Variants in BEGAIN observed in about 807,000 individuals in gnomAD.
BEGAIN encodes the protein brain enriched guanylate kinase associated.
Under a neutral mutation model 35.8 loss-of-function variants are expected in BEGAIN, and 19 were observed. The observed-to-expected ratio is 0.53, with a 90% confidence interval of 0.37 to 0.78. The LOEUF is 0.78. Ranked by LOEUF, BEGAIN falls within the 30% of genes least tolerant of loss-of-function variation. The probability of loss-of-function intolerance (pLI) is 0.00; values close to 1 mark genes in which losing one functional copy is unlikely to be tolerated. For synonymous variants in BEGAIN, 462 were observed against 388.6 expected (o/e 1.19, Z -2.22); for missense variants, 795 against 853.6 (o/e 0.93, Z 0.85).
chr14:100,555,584 G>A (rs1595127462), intron 2 of BEGAIN, among the ~76,000 whole-genome samples: 2 of 152,362 alleles, frequency 1.3e-5, no homozygotes, highest in East Asian at 1.9e-4. Flanking sequence ...GGTTCACAGC[G>A]CTCAAGGAAC....
chr14:100,541,244 T>G (rs1342601860), intron 5 of BEGAIN, among the ~76,000 whole-genome samples: 2 of 152,244 alleles, frequency 1.3e-5, no homozygotes, highest in Non-Finnish European at 2.9e-5. Context: ...TGCCTGTGTT[T>G]GGGGCTTGCA....
chr14:100,582,620 C>T (rs2035344783), intron 1 of BEGAIN, among the ~76,000 whole-genome samples: 1 of 152,154 alleles, frequency 6.6e-6, no homozygotes, highest in Non-Finnish European at 1.5e-5. Flanking sequence ...AACACAGGTG[C>T]CCCAGTTCTC....
intron 2 of BEGAIN, among the ~76,000 whole-genome samples, chr14:100,564,959 T>C (rs2034570271): frequency 6.6e-6 from 1 of 152,212 alleles, no homozygotes; most frequent in African/African-American, 2.4e-5. Flanking sequence ...TGGAAACTCC[T>C]ACCCATTCTT....
chr14:100,552,039 G>C (rs1405118086), intron 2 of BEGAIN, among the ~76,000 whole-genome samples: 1 of 152,128 alleles, frequency 6.6e-6, no homozygotes, highest in Non-Finnish European at 1.5e-5. Context: ...CTCATGGCCC[G>C]ACCAAGGCCA....
At chr14:100,547,480 A>G (rs561720401) in intron 2 of BEGAIN, 2 of 152,406 alleles carry the variant, frequency 1.3e-5, no homozygotes, top group African/African-American at 4.8e-5. Context: ...CTTCCGAGCC[A>G]CCTGCCAACA....
chr14:100,545,257 A>G, intron 3 of BEGAIN, 191 bp from the exon 4 acceptor site: 4 of 1,424,936 alleles, frequency 2.8e-6, no homozygotes, highest in Non-Finnish European at 3.7e-6. Context: ...AAACTTTTGT[A>G]GAAGCCTTTC....
chr14:100,569,715 T>C (rs7141087), intron 1 of BEGAIN: 83,483 of 154,418 alleles, frequency 0.54, 24,987 homozygotes, highest in African/African-American at 0.81. Context: ...AATCCAAGTG[T>C]TCCTCCATCC....
rs918337386 is a variant in BEGAIN, at chr14:100,573,684, T to G, written c.43-5745A>C. Among the ~76,000 whole-genome samples, 1 of 151,782 alleles carries G rather than the reference T, an allele frequency of 6.6e-6. No individual in the cohort carries two copies. Among genetic ancestry groups the G allele is most frequent in the Admixed American group, 6.6e-5 (1 of 15,252 alleles). On this transcript the variant is annotated intron_variant, in intron 1 of 6. Coordinates refer to ENST00000554140, the MANE Select transcript of BEGAIN (RefSeq NM_001385089.1). This position sits in a 1 kb window ranked among gnomAD's most constrained non-coding sequence, Gnocchi z 4.2. ...TGACCTCATGTTGAGCAGGGGAACA[T>G]GGGGAATTCAGGGCTGGTGGTGCCC...
chr14:100,566,819 C>G (rs867399397), intron 2 of BEGAIN, among the ~76,000 whole-genome samples: 1 of 152,214 alleles, frequency 6.6e-6, no homozygotes, highest in Non-Finnish European at 1.5e-5. Context: ...GGCTGCACAT[C>G]AGCTCCATGG....
chr14:100,581,546 G>T (rs574324026), intron 1 of BEGAIN, among the ~76,000 whole-genome samples: 1 of 152,130 alleles, frequency 6.6e-6, no homozygotes, highest in Admixed American at 6.6e-5. Context: ...GCCAAGCTCC[G>T]TGCTGTGCAT....
chr14:100,554,356 C>T (rs964598639), intron 2 of BEGAIN, among the ~76,000 whole-genome samples: 1 of 152,200 alleles, frequency 6.6e-6, no homozygotes, highest in Admixed American at 6.5e-5. Flanking sequence ...GTTGTGGGAT[C>T]CCGCCACGCC....
At position 100,568,345 on chromosome 14, in the gene BEGAIN, T is replaced by TC; in HGVS notation, c.43-407dup. On this transcript the variant is annotated intron_variant, in intron 1 of 6. Transcript: ENST00000554140. This position sits in a 1 kb window ranked among gnomAD's most constrained non-coding sequence, Gnocchi z 7.5. The stretch of plus-strand genomic sequence containing the variant: ...CCCGTTAACCCTTCCTGCCCCGCGC[T>TC]CCCTCCCGGAGGAAGCCGAACCCCG... 1.6e-6 allele frequency: 1 copy of TC among 609,248 alleles called. No homozygotes were observed. Among genetic ancestry groups the TC allele is most frequent in the Non-Finnish European group, 2.2e-6 (1 of 445,906 alleles). 37.7% of individuals were successfully genotyped at this position (609,248 alleles called of 1,614,324 possible). A position where few individuals can be genotyped will look rare whatever the true frequency, so the allele number is the denominator to read the frequency against.
intron 2 of BEGAIN, among the ~76,000 whole-genome samples, chr14:100,557,702 G>A (rs1432962856): frequency 2.6e-5 from 4 of 152,036 alleles, no homozygotes; most frequent in Non-Finnish European, 2.9e-5. Context: ...AGATGGCCTC[G>A]CTCTCTGTTC....
At chr14:100,561,749 C>T (rs926640152) in intron 2 of BEGAIN, among the ~76,000 whole-genome samples, 2 of 151,960 alleles carry the variant, frequency 1.3e-5, no homozygotes, top group Non-Finnish European at 2.9e-5. Context: ...GGCCACATAG[C>T]CAGTAAGTGA....
At chr14:100,562,454 C>G (rs1283699449) in intron 2 of BEGAIN, among the ~76,000 whole-genome samples, 1 of 152,150 alleles carries the variant, frequency 6.6e-6, no homozygotes, top group Non-Finnish European at 1.5e-5. Flanking sequence ...CTCAAACCCG[C>G]TCCTCCCCCA....
intron 1 of BEGAIN, among the ~76,000 whole-genome samples, chr14:100,570,436 C>T (rs983729669): frequency 3.9e-5 from 6 of 152,208 alleles, no homozygotes; most frequent in African/African-American, 7.2e-5. Context: ...TCAAATCCTC[C>T]TCTGACCCAT....
At chr14:100,585,052 G>A (rs1289517757) in intron 1 of BEGAIN, among the ~76,000 whole-genome samples, 2 of 152,076 alleles carry the variant, frequency 1.3e-5, no homozygotes. Flanking sequence ...TTCAGGCCTT[G>A]GGCCAGGCTC....
chr14:100,565,466 G>A (rs1444401373), intron 2 of BEGAIN, among the ~76,000 whole-genome samples: 1 of 152,158 alleles, frequency 6.6e-6, no homozygotes, highest in Non-Finnish European at 1.5e-5. Flanking sequence ...AGGTGACATG[G>A]TCCTTTTGCT....
Position 100,567,651 on chromosome 14 carries a change from G to A in BEGAIN, c.71+260C>T, listed in dbSNP as rs1030451530. Among the ~76,000 whole-genome samples the A allele has an allele frequency of 2.6e-5, 4 of 151,668 alleles. No individual in the cohort carries two copies. Among genetic ancestry groups the A allele is most frequent in the Admixed American group, 2.0e-4 (3 of 15,260 alleles). On this transcript the variant is annotated intron_variant, in intron 2 of 6. Transcript: ENST00000554140. The surrounding 1 kb of genome is among the most constrained non-coding windows in gnomAD (Gnocchi z 5.1). ...AGGACCAGGCGGCCCCGGGTAGGGG[G>A]CAGCCCGGCCCTCAGTGGCGCTAGC... is the stretch of plus-strand genomic sequence containing the variant.
Sources: allele counts gnomAD v4.1 joint callset (sites outside exome capture counted in the v4.1 genomes callset), GRCh38; gene constraint gnomAD v4.1.1; non-coding constraint Gnocchi (gnomAD v3.1); transcripts MANE v1.5; gene names NCBI Gene and HGNC (gene_info 2026-07-23, HGNC 2026-07-21).